SLC35F1: variants seen among roughly 807,000 people sequenced by gnomAD.
SLC35F1 encodes chromosome 6 open reading frame 169.
A neutral mutation model predicts 48.7 loss-of-function variants in SLC35F1; 14 were observed. The observed-to-expected ratio is 0.29, with a 90% CI of 0.19 to 0.45. The LOEUF is 0.45. Among genes scored for constraint, SLC35F1 ranks in the 20% least tolerant of loss-of-function variants. The pLI is 1.00. For synonymous variants in SLC35F1, 190 were observed against 202.2 expected (o/e 0.94, Z 0.51); for missense variants, 404 against 500.0 (o/e 0.81, Z 1.83).
chr6:118,259,824 G>A (rs2114612767), intron 3 of SLC35F1, among the ~76,000 whole-genome samples: 2 of 152,204 alleles, frequency 1.3e-5, no homozygotes, highest in South Asian at 2.1e-4. Context: ...ATTCCTCAAA[G>A]TGTTAAACAC....
chr6:118,231,527 T>C (rs555117186), intron 2 of SLC35F1, among the ~76,000 whole-genome samples: 1 of 152,308 alleles, frequency 6.6e-6, no homozygotes, highest in Admixed American at 6.5e-5. Flanking sequence ...AACGGTTGCA[T>C]TTTTTGCTTA....
At chr6:118,078,825 G>T (rs1240705246) in intron 1 of SLC35F1, among the ~76,000 whole-genome samples, 1 of 152,084 alleles carries the variant, frequency 6.6e-6, no homozygotes, top group East Asian at 1.9e-4. Flanking sequence ...CCTGGTGCTG[G>T]CATTTGAGTC....
chr6:117,920,156 A>G (rs534918652), intron 1 of SLC35F1, among the ~76,000 whole-genome samples: 1 of 152,176 alleles, frequency 6.6e-6, no homozygotes, highest in South Asian at 2.1e-4. Context: ...GCGCTCTTAG[A>G]GAGGGGCCCT....
intron 7 of SLC35F1, among the ~76,000 whole-genome samples, chr6:118,290,371 T>C (rs1317330585): frequency 6.6e-6 from 1 of 152,096 alleles, no homozygotes; most frequent in African/African-American, 2.4e-5. Flanking sequence ...TGACAACCAA[T>C]ATTAGGACAT....
At chr6:117,988,698 G>T (rs1776879401) in intron 1 of SLC35F1, among the ~76,000 whole-genome samples, 1 of 152,146 alleles carries the variant, frequency 6.6e-6, no homozygotes, top group South Asian at 2.1e-4. Flanking sequence ...AGTTCCCCTG[G>T]AAGAAGATAA....
chr6:118,270,561 C>G (rs562023045), intron 4 of SLC35F1, among the ~76,000 whole-genome samples: 3 of 152,316 alleles, frequency 2.0e-5, no homozygotes, highest in African/African-American at 7.2e-5. Flanking sequence ...TCATCACCCA[C>G]TATAGGATGC....
At chr6:118,205,451 G>A (rs1774923324) in intron 2 of SLC35F1, among the ~76,000 whole-genome samples, 1 of 152,108 alleles carries the variant, frequency 6.6e-6, no homozygotes, top group Non-Finnish European at 1.5e-5. Flanking sequence ...ACCACCATGG[G>A]TTACCACTTT....
At chr6:117,950,341 A>G (rs925975195) in intron 1 of SLC35F1, among the ~76,000 whole-genome samples, 1 of 152,178 alleles carries the variant, frequency 6.6e-6, no homozygotes, top group Non-Finnish European at 1.5e-5. Context: ...CAGAATGCAT[A>G]CTACTATCAT....
intron 1 of SLC35F1, among the ~76,000 whole-genome samples, chr6:118,146,496 GTCTC>G (rs1582693286): frequency 6.6e-6 from 1 of 152,052 alleles, no homozygotes; most frequent in African/African-American, 2.4e-5. Flanking sequence ...CTCAAATTAT[GTCTC>G]TCTCATTATT....
intron 5 of SLC35F1, 45 bp from the exon 6 acceptor site, chr6:118,277,449 G>C (rs535407643): frequency 1.2e-5 from 18 of 1,511,756 alleles, no homozygotes; most frequent in Admixed American, 5.1e-5. Flanking sequence ...AAAGTAGAGT[G>C]CATTCTAATC....
At chr6:118,271,875 G>A (rs1489713531) in intron 4 of SLC35F1, among the ~76,000 whole-genome samples, 2 of 152,150 alleles carry the variant, frequency 1.3e-5, no homozygotes, top group Non-Finnish European at 2.9e-5. Context: ...CTAAGTGTCA[G>A]ATACAATGCT....
At chr6:118,220,228 C>A (rs1775129575) in intron 2 of SLC35F1, among the ~76,000 whole-genome samples, 1 of 151,580 alleles carries the variant, frequency 6.6e-6, no homozygotes, top group Non-Finnish European at 1.5e-5. Flanking sequence ...AGAAAGGATA[C>A]AATTAAGTTC....
At chr6:118,281,129 A>C (rs921622568) in intron 6 of SLC35F1, among the ~76,000 whole-genome samples, 2 of 151,264 alleles carry the variant, frequency 1.3e-5, no homozygotes, top group Non-Finnish European at 1.5e-5. Flanking sequence ...AGACGAAATC[A>C]AATATATGTA....
intron 2 of SLC35F1, among the ~76,000 whole-genome samples, chr6:118,171,951 T>C (rs1481674760): frequency 1.3e-5 from 2 of 152,186 alleles, no homozygotes; most frequent in Non-Finnish European, 2.9e-5. Flanking sequence ...TGCCAGAGCA[T>C]TGGATAATAA....
At chr6:118,118,739 A>G (rs1207815175) in intron 1 of SLC35F1, among the ~76,000 whole-genome samples, 1 of 152,126 alleles carries the variant, frequency 6.6e-6, no homozygotes, top group Non-Finnish European at 1.5e-5. Flanking sequence ...CTGGTGGGTA[A>G]ACAGAGCAGA....
intron 1 of SLC35F1, among the ~76,000 whole-genome samples, chr6:118,042,226 A>G (rs1458845583): frequency 6.6e-6 from 1 of 152,222 alleles, no homozygotes. Context: ...AGGAATACAA[A>G]GATAAATAAG....
chr6:118,026,475 C>A (rs1294507787), intron 1 of SLC35F1, among the ~76,000 whole-genome samples: 2 of 152,186 alleles, frequency 1.3e-5, no homozygotes, highest in African/African-American at 4.8e-5. Context: ...ACTATTCTGA[C>A]TTTAGGATGT....
At chr6:118,161,057 C>A (rs1774223443) in intron 2 of SLC35F1, among the ~76,000 whole-genome samples, 1 of 151,768 alleles carries the variant, frequency 6.6e-6, no homozygotes, top group African/African-American at 2.4e-5. Flanking sequence ...TCTCCATGAC[C>A]AATACCACAT....
chr6:118,304,852 CA>C (rs1562356927), intron 7 of SLC35F1, among the ~76,000 whole-genome samples: 1 of 151,238 alleles, frequency 6.6e-6, no homozygotes, highest in Non-Finnish European at 1.5e-5. Context: ...AAGAGGCAAA[CA>C]GGCATGTAAA....
Sources: allele counts gnomAD v4.1 joint callset (sites outside exome capture counted in the v4.1 genomes callset), GRCh38; gene constraint gnomAD v4.1.1; transcripts MANE v1.5; gene names NCBI Gene and HGNC (gene_info 2026-07-23, HGNC 2026-07-21).